Variants in PRDM5 observed in about 807,000 individuals in gnomAD.
PRDM5 encodes PR domain zinc finger protein 5.
PRDM5 carries 56 observed loss-of-function variants against 81.2 expected under a neutral mutation model. That is an observed-to-expected ratio of 0.69 (90% confidence interval 0.56 to 0.86). The LOEUF (loss-of-function observed/expected upper bound fraction) is 0.86, where lower values mean the gene tolerates loss of function less well. PRDM5 is among the 40% of genes least tolerant of loss of function. The pLI, the probability that PRDM5 is intolerant of heterozygous loss-of-function variation, is 0.00. For missense variants in PRDM5, 697 were observed against 770.1 expected, an observed-to-expected ratio of 0.91 and a Z score of 1.12; for synonymous variants, 267 against 256.4, an observed-to-expected ratio of 1.04 and a Z score of -0.39.
chr4:120,881,395 G>T (rs1016015500), intron 2 of PRDM5, among the ~76,000 whole-genome samples: 1 of 152,096 alleles, frequency 6.6e-6, no homozygotes, highest in Non-Finnish European at 1.5e-5. Flanking sequence ...AAGTAAAATC[G>T]CTGGCAAATA....
intron 13 of PRDM5, among the ~76,000 whole-genome samples, chr4:120,758,845 T>G (rs1440031302): frequency 6.6e-6 from 1 of 151,624 alleles, no homozygotes; most frequent in South Asian, 2.1e-4. Context: ...AAGCCCTGCC[T>G]CCCGGGTTCA....
At chr4:120,688,810 C>A (rs988839593), downstream of PRDM5, among the ~76,000 whole-genome samples, 23 of 152,110 alleles carry the variant, frequency 1.5e-4, no homozygotes, top group Non-Finnish European at 4.4e-5. Flanking sequence ...GCTGTCTATT[C>A]TGTTCCATTG....
intron 2 of PRDM5, among the ~76,000 whole-genome samples, chr4:120,870,174 G>T (rs1761629628): frequency 6.6e-6 from 1 of 151,904 alleles, no homozygotes; most frequent in South Asian, 2.1e-4. Flanking sequence ...GGAAAGTGGA[G>T]GCCTGCTGGT....
chr4:120,793,950 T>A (rs1172431111), intron 10 of PRDM5, among the ~76,000 whole-genome samples: 2 of 145,026 alleles, frequency 1.4e-5, no homozygotes, highest in East Asian at 2.0e-4. Flanking sequence ...AATAAAAAAA[T>A]AAGTAAAAAA....
intron 2 of PRDM5, chr4:120,897,074 C>A (rs1229513772): frequency 1.3e-5 from 2 of 151,204 alleles, no homozygotes; most frequent in Admixed American, 6.6e-5. Flanking sequence ...GGTCTTAGTA[C>A]CCTCATTTGA....
At chr4:120,813,971 A>G (rs1469608856) in intron 7 of PRDM5, among the ~76,000 whole-genome samples, 3 of 152,172 alleles carry the variant, frequency 2.0e-5, no homozygotes, top group Non-Finnish European at 2.9e-5. Flanking sequence ...ATCAAAGGGT[A>G]TACATCAAAC....
rs551281564 is a variant in PRDM5, at chr4:120,738,887, ATTTG to A, written c.1623+15662_1623+15665del. 2.0e-4 allele frequency among the ~76,000 whole-genome samples: 30 copies of A among 152,332 alleles called. 1 individual carries two copies. The East Asian group carries it at 5.4e-3, about 27-fold the overall frequency. On this transcript the variant is annotated intron_variant, in intron 14 of 15. Coordinates refer to ENST00000264808, the MANE Select transcript of PRDM5 (RefSeq NM_018699.4). ...ACATTATTATTGTTTATGGTTTAAT[ATTTG>A]TTTATTTTAATTATTTTGTTTAATG...
At chr4:120,833,777 T>C (rs1332529261) in intron 3 of PRDM5, among the ~76,000 whole-genome samples, 1 of 152,074 alleles carries the variant, frequency 6.6e-6, no homozygotes, top group African/African-American at 2.4e-5. Flanking sequence ...TCACGGGGGA[T>C]CTTGGAACAT....
intron 2 of PRDM5, among the ~76,000 whole-genome samples, chr4:120,857,706 A>C (rs984850307): frequency 6.6e-6 from 1 of 152,216 alleles, no homozygotes; most frequent in Non-Finnish European, 1.5e-5. Context: ...AGAAAACCCT[A>C]ACGTGTAAAT....
chr4:120,730,445 A>G (rs1267897150), intron 14 of PRDM5, among the ~76,000 whole-genome samples: 3 of 152,218 alleles, frequency 2.0e-5, no homozygotes, highest in Non-Finnish European at 4.4e-5. Flanking sequence ...TCAACATAGC[A>G]TAGTTCTTGA....
At position 120,751,873 on chromosome 4, in the gene PRDM5, A is replaced by C. The variant is rs141251194; in HGVS notation, c.1623+2680T>G. 3.0e-3 allele frequency among the ~76,000 whole-genome samples: 452 copies of C among 152,312 alleles called. 3 individuals carry two copies. Among genetic ancestry groups the C allele is most frequent in the South Asian group, 7.9e-3 (38 of 4,824 alleles). Reference sequence around the variant, plus strand: ...CACAGCATCTTGGGTTGTCTTACCAAAACTTCCTAAAGATGTACCTTACTG... The same window carrying C: ...CACAGCATCTTGGGTTGTCTTACCACAACTTCCTAAAGATGTACCTTACTG... On this transcript the variant is annotated intron_variant, in intron 14 of 15. Coordinates refer to ENST00000264808, the MANE Select transcript of PRDM5 (RefSeq NM_018699.4).
chr4:120,768,498 T>C (rs1485637099), intron 13 of PRDM5, among the ~76,000 whole-genome samples: 1 of 152,178 alleles, frequency 6.6e-6, no homozygotes, highest in Non-Finnish European at 1.5e-5. Context: ...GCTTAGAATC[T>C]AGTCATGGGA....
intron 15 of PRDM5, among the ~76,000 whole-genome samples, chr4:120,700,184 A>C (rs572205584): frequency 1.3e-5 from 2 of 152,240 alleles, no homozygotes; most frequent in African/African-American, 4.8e-5. Flanking sequence ...TGACAAAAAT[A>C]AGCAACAGGA....
chr4:120,902,592 T>C (rs185846979), intron 2 of PRDM5, among the ~76,000 whole-genome samples: 7 of 152,314 alleles, frequency 4.6e-5, no homozygotes, highest in Non-Finnish European at 1.5e-5. Flanking sequence ...GCATTTACAG[T>C]CAAACACTGG....
downstream of PRDM5, among the ~76,000 whole-genome samples, chr4:120,684,392 C>A (rs1482540495): frequency 6.6e-6 from 1 of 151,868 alleles, no homozygotes; most frequent in African/African-American, 2.4e-5. Context: ...CATGAACATA[C>A]CTAATTTGAT....
chr4:120,919,223 C>T lies in PRDM5; in HGVS notation c.93+3293G>A, dbSNP rs538136004. On this transcript the variant is annotated intron_variant, in intron 1 of 15. Transcript: ENST00000264808. Reference sequence around the variant, plus strand: ...TTCCTGCAATTAATTTAACACTTGCCTCAATCATTTTGGTAATCTTCCATT... The same window carrying T: ...TTCCTGCAATTAATTTAACACTTGCTTCAATCATTTTGGTAATCTTCCATT... Among the ~76,000 whole-genome samples, 5 of 152,304 alleles carry T rather than the reference C, an allele frequency of 3.3e-5. No individual in the cohort carries two copies. In the South Asian group the frequency reaches 6.2e-4, roughly 19 times the overall value.
intron 1 of PRDM5, among the ~76,000 whole-genome samples, chr4:120,915,510 G>A (rs1370049775): frequency 1.3e-5 from 2 of 152,280 alleles, no homozygotes; most frequent in Admixed American, 6.5e-5. Flanking sequence ...ATGCAAGAGC[G>A]GAACAGCAGC....
At chr4:120,915,898 C>G (rs1320020365) in intron 1 of PRDM5, among the ~76,000 whole-genome samples, 1 of 152,168 alleles carries the variant, frequency 6.6e-6, no homozygotes, top group East Asian at 1.9e-4. Flanking sequence ...AGATCCTTCT[C>G]CCATACCCCT....
rs75196012 is a variant in PRDM5 at position 120,900,381 on chromosome 4, G to A, written c.177+7093C>T. Among the ~76,000 whole-genome samples the A allele has an allele frequency of 1.8e-3, 272 of 152,266 alleles. 8 individuals are homozygous for A. The East Asian group carries it at 0.041, about 23-fold the overall frequency. On this transcript the variant is annotated intron_variant, in intron 2 of 15. Transcript: ENST00000264808. ...ACAAAAAACACTCTTATACTCTAGG[G>A]ATTCCAAGGATTTTAGGAGTTAAAT...
Sources: gnomAD v4.1 joint callset for allele counts (sites outside exome capture counted in the v4.1 genomes callset) on GRCh38, gnomAD v4.1.1 for gene constraint, MANE v1.5 for transcripts, NCBI Gene and HGNC (gene_info 2026-07-23, HGNC 2026-07-21) for gene names.